SPAG16: variants seen among roughly 807,000 people sequenced by gnomAD.
SPAG16 encodes sperm-associated antigen 16 protein.
A neutral mutation model predicts 80.4 loss-of-function variants in SPAG16; 86 were observed. The observed-to-expected ratio is 1.07, with a 90% CI of 0.90 to 1.28. The LOEUF is 1.28. Among genes scored for constraint, SPAG16 ranks in the 50% most tolerant of loss-of-function variants. The pLI, the probability that SPAG16 is intolerant of heterozygous loss-of-function variation, is 0.00. For synonymous variants in SPAG16, 294 were observed against 265.9 expected (o/e 1.11, Z -1.03); for missense variants, 870 against 765.3 (o/e 1.14, Z -1.61).
At chr2:213,539,245 A>G (rs1482369390) in intron 10 of SPAG16, among the ~76,000 whole-genome samples, 1 of 152,168 alleles carries the variant, frequency 6.6e-6, no homozygotes, top group Non-Finnish European at 1.5e-5. Context: ...GTTTTTATCT[A>G]GTAATAGCAG....
At chr2:214,241,696 TTAAC>T (rs1271479425) in intron 15 of SPAG16, among the ~76,000 whole-genome samples, 2 of 152,204 alleles carry the variant, frequency 1.3e-5, no homozygotes, top group Non-Finnish European at 2.9e-5. Context: ...ATAGAATTCA[TTAAC>T]TAAAGTAATG....
intron 13 of SPAG16, among the ~76,000 whole-genome samples, chr2:214,083,407 C>T (rs1371093723): frequency 6.6e-6 from 1 of 152,004 alleles, no homozygotes; most frequent in Non-Finnish European, 1.5e-5. Context: ...CATTTTTCAA[C>T]TCTGCCAATG....
chr2:213,499,704 C>T (rs2074652394), intron 10 of SPAG16, among the ~76,000 whole-genome samples: 2 of 152,156 alleles, frequency 1.3e-5, no homozygotes, highest in South Asian at 4.1e-4. Flanking sequence ...TAGCTATAAA[C>T]ACTACTCTCG....
chr2:213,577,043 A>G (rs546021575), intron 10 of SPAG16, among the ~76,000 whole-genome samples: 1 of 152,096 alleles, frequency 6.6e-6, no homozygotes, highest in Non-Finnish European at 1.5e-5. Flanking sequence ...ATTTCAGGAC[A>G]CTTGTACCCC....
At chr2:214,161,957 A>G (rs1269776558) in intron 15 of SPAG16, among the ~76,000 whole-genome samples, 1 of 152,078 alleles carries the variant, frequency 6.6e-6, no homozygotes, top group Non-Finnish European at 1.5e-5. Flanking sequence ...CCCTGCTGTT[A>G]GGTCACAAAA....
intron 10 of SPAG16, among the ~76,000 whole-genome samples, chr2:213,545,203 T>A (rs112623003): frequency 0.051 from 7,754 of 152,202 alleles, 675 homozygotes; most frequent in African/African-American, 0.18. Flanking sequence ...TTAATTTGCA[T>A]TTTTCTGATG....
At chr2:213,884,040 C>G (rs1388837582) in intron 11 of SPAG16, among the ~76,000 whole-genome samples, 1 of 152,094 alleles carries the variant, frequency 6.6e-6, no homozygotes, top group African/African-American at 2.4e-5. Context: ...GATTTTTATT[C>G]TGTCATCATG....
chr2:214,055,292 A>T (rs2125149905), intron 13 of SPAG16, among the ~76,000 whole-genome samples: 1 of 152,258 alleles, frequency 6.6e-6, no homozygotes, highest in East Asian at 1.9e-4. Flanking sequence ...TAACTTTAAA[A>T]ACATGAATCC....
At chr2:214,400,741 C>T (rs1701660056) in intron 15 of SPAG16, among the ~76,000 whole-genome samples, 1 of 152,030 alleles carries the variant, frequency 6.6e-6, no homozygotes, top group Admixed American at 6.6e-5. Flanking sequence ...TCCTCAACTT[C>T]CATGTGTTTG....
intron 12 of SPAG16, among the ~76,000 whole-genome samples, chr2:213,998,800 G>T (rs571079578): frequency 3.9e-5 from 6 of 152,324 alleles, no homozygotes; most frequent in African/African-American, 1.2e-4. Flanking sequence ...TGAGGAACTT[G>T]TTGGAAATTG....
intron 11 of SPAG16, among the ~76,000 whole-genome samples, chr2:213,925,153 C>T (rs1026878693): frequency 6.6e-6 from 1 of 151,524 alleles, no homozygotes; most frequent in Non-Finnish European, 1.5e-5. Flanking sequence ...TTTATTTTTA[C>T]AAGCATTTTT....
At chr2:214,278,410 G>A (rs1559176323) in intron 15 of SPAG16, among the ~76,000 whole-genome samples, 1 of 152,130 alleles carries the variant, frequency 6.6e-6, no homozygotes, top group South Asian at 2.1e-4. Context: ...ATCATGCTGG[G>A]AGCTGCAGAC....
At chr2:213,695,689 A>G (rs115347577) in intron 10 of SPAG16, among the ~76,000 whole-genome samples, 127 of 152,360 alleles carry the variant, frequency 8.3e-4, no homozygotes, top group Middle Eastern at 3.4e-3. Context: ...GGAGCCAGCC[A>G]TGAGAAGACG....
intron 10 of SPAG16, among the ~76,000 whole-genome samples, chr2:213,515,084 T>C (rs2075371761): frequency 6.6e-6 from 1 of 152,206 alleles, no homozygotes; most frequent in Non-Finnish European, 1.5e-5. Flanking sequence ...ATGCGTCTTA[T>C]TTTCTGCAAA....
chr2:214,068,270 A>G (rs1481675474), intron 13 of SPAG16, among the ~76,000 whole-genome samples: 1 of 152,184 alleles, frequency 6.6e-6, no homozygotes, highest in Non-Finnish European at 1.5e-5. Context: ...ATTATTTTTC[A>G]GAAAGGATTC....
At chr2:213,372,435 G>C (rs1353438905) in intron 8 of SPAG16, among the ~76,000 whole-genome samples, 1 of 152,038 alleles carries the variant, frequency 6.6e-6, no homozygotes, top group Non-Finnish European at 1.5e-5. Flanking sequence ...TCTTAAGTTA[G>C]TACTTCAAAA....
intron 15 of SPAG16, among the ~76,000 whole-genome samples, chr2:214,366,622 CATTATATCATTT>C (rs1559246662): frequency 1.3e-5 from 2 of 151,982 alleles, no homozygotes; most frequent in Non-Finnish European, 2.9e-5. Context: ...AAGATCTGTG[CATTATATCATTT>C]ATGCATTGAA....
At chr2:213,519,010 A>T (rs2125840397) in intron 10 of SPAG16, among the ~76,000 whole-genome samples, 1 of 152,330 alleles carries the variant, frequency 6.6e-6, no homozygotes, top group Non-Finnish European at 1.5e-5. Context: ...TATAAATGAG[A>T]ACTAAACATT....
At chr2:213,346,290 G>A (rs563935895) in intron 6 of SPAG16, among the ~76,000 whole-genome samples, 18 of 152,222 alleles carry the variant, frequency 1.2e-4, no homozygotes, top group East Asian at 7.7e-4. Flanking sequence ...GGCTGAGACA[G>A]TGGGGTTTTC....
Sources: allele counts gnomAD v4.1 joint callset (sites outside exome capture counted in the v4.1 genomes callset), GRCh38; gene constraint gnomAD v4.1.1; transcripts MANE v1.5; gene names NCBI Gene and HGNC (gene_info 2026-07-23, HGNC 2026-07-21).